ZBTB46: variants seen among roughly 807,000 people sequenced by gnomAD.
The protein encoded by ZBTB46 is zinc finger and BTB domain containing 46.
A neutral mutation model predicts 44.1 loss-of-function variants in ZBTB46; 8 were observed. The ratio of observed to expected loss-of-function variants is 0.18; its 90% CI spans 0.11 to 0.33. The LOEUF (loss-of-function observed/expected upper bound fraction) is 0.33, where lower values mean the gene tolerates loss of function less well. Ranked by LOEUF, ZBTB46 falls within the 10% of genes least tolerant of loss-of-function variation. The probability of loss-of-function intolerance (pLI) is 1.00; values close to 1 mark genes in which losing one functional copy is unlikely to be tolerated. For missense variants in ZBTB46, 651 were observed against 847.7 expected (o/e 0.77, Z 2.88); for synonymous variants, 409 against 382.3 (o/e 1.07, Z -0.81).
At chr20:63,833,451 C>T (rs551718361), upstream of ZBTB46, among the ~76,000 whole-genome samples, 5 of 152,282 alleles carry the variant, frequency 3.3e-5, no homozygotes, top group African/African-American at 7.2e-5. Flanking sequence ...ATTAGCCAGG[C>T]GTGGTGGCAG....
chr20:63,770,046 A>G (rs987124993), intron 3 of ZBTB46, among the ~76,000 whole-genome samples: 1 of 152,232 alleles, frequency 6.6e-6, no homozygotes, highest in Non-Finnish European at 1.5e-5. Flanking sequence ...GGCTGTCCCT[A>G]GAATCCTTGA....
At chr20:63,798,338 T>C (rs1033016027) in intron 1 of ZBTB46, among the ~76,000 whole-genome samples, 4 of 152,046 alleles carry the variant, frequency 2.6e-5, no homozygotes, top group African/African-American at 9.7e-5. Flanking sequence ...AGGGCTCTGT[T>C]CTGTTCTATT....
chr20:63,762,408 C>T (rs1335810542), intron 3 of ZBTB46, among the ~76,000 whole-genome samples: 1 of 152,034 alleles, frequency 6.6e-6, no homozygotes, highest in Non-Finnish European at 1.5e-5. Flanking sequence ...AATCCCAGCA[C>T]TTTGGGAGGC....
chr20:63,802,883 G>A (rs935973414), intron 1 of ZBTB46, among the ~76,000 whole-genome samples: 64 of 152,138 alleles, frequency 4.2e-4, no homozygotes, highest in Admixed American at 5.2e-4. Flanking sequence ...CCCAGGAACC[G>A]CGGCGGGCTG....
upstream of ZBTB46, among the ~76,000 whole-genome samples, chr20:63,831,971 G>A (rs2092854669): frequency 6.6e-6 from 1 of 152,042 alleles, no homozygotes; most frequent in African/African-American, 2.4e-5. Flanking sequence ...CGGCGCACCC[G>A]GAGATCGGCG....
chr20:63,759,745 CATG>C (rs1352767453), intron 3 of ZBTB46, among the ~76,000 whole-genome samples: 2 of 152,126 alleles, frequency 1.3e-5, no homozygotes, highest in Non-Finnish European at 2.9e-5. Flanking sequence ...GCTAAGTCAT[CATG>C]ATTTCACAAT....
At chr20:63,826,932 G>A (rs549036911) in intron 1 of ZBTB46, among the ~76,000 whole-genome samples, 2 of 152,314 alleles carry the variant, frequency 1.3e-5, no homozygotes, top group East Asian at 3.9e-4. Flanking sequence ...TCTCCGGGAA[G>A]CAGGGTTTGG....
chr20:63,811,674 G>A (rs1424417815), intron 1 of ZBTB46, among the ~76,000 whole-genome samples: 3 of 152,112 alleles, frequency 2.0e-5, no homozygotes, highest in Admixed American at 6.6e-5. Context: ...CGGGCCAGCC[G>A]GCTCACCTTG....
At chr20:63,748,813 C>T (rs1353664812) in intron 4 of ZBTB46, among the ~76,000 whole-genome samples, 1 of 152,212 alleles carries the variant, frequency 6.6e-6, no homozygotes, top group Non-Finnish European at 1.5e-5. Flanking sequence ...TTTAGCTCTT[C>T]CTTAAACCAT....
chr20:63,760,655 A>G (rs2092265872), intron 3 of ZBTB46, among the ~76,000 whole-genome samples: 1 of 151,856 alleles, frequency 6.6e-6, no homozygotes, highest in Non-Finnish European at 1.5e-5. Flanking sequence ...ACAGGGTTTC[A>G]CCGTGTTAGC....
chr20:63,744,928 T>C lies in ZBTB46; in HGVS notation c.*2002A>G, dbSNP rs936585154. ...GGGACTGGTACAAAACCCAGAGACATTGGTGGGTAGCAAAGGTCTGGTTTC... is the reference window on the plus strand; with the variant it reads ...GGGACTGGTACAAAACCCAGAGACACTGGTGGGTAGCAAAGGTCTGGTTTC... On this transcript the variant is annotated 3_prime_UTR_variant, in exon 5 of 5. Coordinates refer to ENST00000245663, the MANE Select transcript of ZBTB46 (RefSeq NM_001369741.1). 2 of 152,346 alleles carry C rather than the reference T, an allele frequency of 1.3e-5. No homozygotes were observed. The highest frequency in any genetic ancestry group is 2.4e-5 in the African/African-American group (1 of 41,416). The allele number at this position is 152,346 out of a possible 1,614,324, so 9.4% of individuals were successfully genotyped here. A position where few individuals can be genotyped will look rare whatever the true frequency, so the allele number is the denominator to read the frequency against.
At chr20:63,769,280 G>A (rs1330316624) in intron 3 of ZBTB46, 35 of 985,302 alleles carry the variant, frequency 3.6e-5, no homozygotes, top group Non-Finnish European at 4.2e-5. Context: ...CCGGCTCCCT[G>A]GGCTGGGTCT....
intron 2 of ZBTB46, chr20:63,788,426 G>A (rs974215684): frequency 1.3e-5 from 2 of 152,242 alleles, no homozygotes; most frequent in Non-Finnish European, 2.9e-5. Flanking sequence ...AAATATGGAA[G>A]ACACATAAGG....
intron 1 of ZBTB46, among the ~76,000 whole-genome samples, chr20:63,791,656 G>A (rs2092562055): frequency 6.6e-6 from 1 of 152,190 alleles, no homozygotes; most frequent in Admixed American, 6.5e-5. Context: ...CTGGGTCCCT[G>A]CCCAGCACTG....
chr20:63,759,901 C>T (rs554234967), intron 3 of ZBTB46, among the ~76,000 whole-genome samples: 1 of 152,210 alleles, frequency 6.6e-6, no homozygotes, highest in East Asian at 1.9e-4. Flanking sequence ...GGTGATATAG[C>T]GGGTTCTCTC....
chr20:63,796,787 T>G (rs895537019), intron 1 of ZBTB46, among the ~76,000 whole-genome samples: 1 of 151,966 alleles, frequency 6.6e-6, no homozygotes, highest in African/African-American at 2.4e-5. Flanking sequence ...ATCATACCAT[T>G]GCACTCCAGC....
chr20:63,832,292 G>C (rs1320744294), upstream of ZBTB46, among the ~76,000 whole-genome samples: 1 of 152,148 alleles, frequency 6.6e-6, no homozygotes, highest in East Asian at 1.9e-4. The surrounding 1 kb of genome is among the most constrained non-coding windows in gnomAD (Gnocchi z 5.0). Flanking sequence ...GGCCTGCGCA[G>C]GGGTAAAGGC....
At chr20:63,755,674 A>C (rs2092214356) in intron 3 of ZBTB46, among the ~76,000 whole-genome samples, 1 of 152,078 alleles carries the variant, frequency 6.6e-6, no homozygotes, top group South Asian at 2.1e-4. Flanking sequence ...AGGGAATTTC[A>C]CTGGCTGTCA....
chr20:63,830,822 C>T (rs1221164109), intron 1 of ZBTB46, among the ~76,000 whole-genome samples: 1 of 143,146 alleles, frequency 7.0e-6, no homozygotes, highest in Non-Finnish European at 1.5e-5. Context: ...GAACCCGCGC[C>T]GCCCCCGCGC....
Sources: gnomAD v4.1 joint callset for allele counts (sites outside exome capture counted in the v4.1 genomes callset) on GRCh38, gnomAD v4.1.1 for gene constraint, Gnocchi (gnomAD v3.1) non-coding constraint, MANE v1.5 for transcripts, NCBI Gene and HGNC (gene_info 2026-07-23, HGNC 2026-07-21) for gene names.